SPMIP7: variants seen among roughly 807,000 people sequenced by gnomAD.
The protein encoded by SPMIP7 is sperm microtubule inner protein 7.
chr7:50,108,943 T>A, the SPMIP7 span, among the ~76,000 whole-genome samples: 1 of 152,190 alleles, frequency 6.6e-6, no homozygotes, highest in African/African-American at 2.4e-5. Context: ...TCTTAGCACC[T>A]TAGACAGGTC....
chr7:50,136,251 T>A, the SPMIP7 span: 1 of 996,772 alleles, frequency 1.0e-6, no homozygotes, highest in South Asian at 1.4e-5. Context: ...GCCCTTGGCT[T>A]AGAGGTGTGG....
At chr7:50,150,452 C>T in the SPMIP7 span, among the ~76,000 whole-genome samples, 4 of 152,298 alleles carry the variant, frequency 2.6e-5, no homozygotes, top group Middle Eastern at 6.8e-3. Flanking sequence ...GCACAGTAAG[C>T]TGAGGCCATG....
At chr7:50,132,010 A>C in the SPMIP7 span, among the ~76,000 whole-genome samples, 2 of 152,250 alleles carry the variant, frequency 1.3e-5, no homozygotes, top group African/African-American at 4.8e-5. Flanking sequence ...ATTCAAATTA[A>C]AAGTATACCC....
the SPMIP7 span, among the ~76,000 whole-genome samples, chr7:50,118,703 T>C: frequency 6.6e-6 from 1 of 152,188 alleles, no homozygotes; most frequent in African/African-American, 2.4e-5. Context: ...GGCATCACCA[T>C]TGTCCCTATT....
chr7:50,145,189 G>T, the SPMIP7 span, among the ~76,000 whole-genome samples: 1 of 151,836 alleles, frequency 6.6e-6, no homozygotes, highest in African/African-American at 2.4e-5. Flanking sequence ...CTTGAGCCTG[G>T]GAGGTGAAGG....
the SPMIP7 span, among the ~76,000 whole-genome samples, chr7:50,150,715 A>G: frequency 1.3e-5 from 2 of 152,108 alleles, no homozygotes; most frequent in Non-Finnish European, 2.9e-5. Flanking sequence ...CCTCTGAACT[A>G]CCTACTTAAG....
At chr7:50,110,616 T>G in the SPMIP7 span, among the ~76,000 whole-genome samples, 1 of 139,864 alleles carries the variant, frequency 7.1e-6, no homozygotes, top group Non-Finnish European at 1.5e-5. Context: ...AATATTTATG[T>G]ATAATATATA....
the SPMIP7 span, among the ~76,000 whole-genome samples, chr7:50,098,144 A>G: frequency 6.6e-6 from 1 of 152,010 alleles, no homozygotes; most frequent in Non-Finnish European, 1.5e-5. Context: ...AATTACATAC[A>G]CACTGGTATG....
At chr7:50,150,777 C>A in the SPMIP7 span, among the ~76,000 whole-genome samples, 1 of 152,318 alleles carries the variant, frequency 6.6e-6, no homozygotes, top group East Asian at 1.9e-4. Flanking sequence ...AGCTTTTATA[C>A]ACACTGAAGA....
At chr7:50,132,145 T>C in the SPMIP7 span, among the ~76,000 whole-genome samples, 505 of 152,250 alleles carry the variant, frequency 3.3e-3, 3 homozygotes, top group Middle Eastern at 0.014. Flanking sequence ...GAGGAAAAAG[T>C]CTTGTTCATC....
At chr7:50,116,656 G>A in the SPMIP7 span, among the ~76,000 whole-genome samples, 1 of 152,164 alleles carries the variant, frequency 6.6e-6, no homozygotes, top group Non-Finnish European at 1.5e-5. Context: ...TGTTTAAAAA[G>A]TTTAGAGCTT....
the SPMIP7 span, among the ~76,000 whole-genome samples, chr7:50,137,526 A>G: frequency 6.6e-6 from 1 of 152,108 alleles, no homozygotes; most frequent in Non-Finnish European, 1.5e-5. Context: ...TTATATACTC[A>G]TATTTATGTC....
chr7:50,109,235 A>C, the SPMIP7 span, among the ~76,000 whole-genome samples: 1 of 152,178 alleles, frequency 6.6e-6, no homozygotes, highest in African/African-American at 2.4e-5. Flanking sequence ...TTATGTTGAA[A>C]ATATTTATAT....
the SPMIP7 span, among the ~76,000 whole-genome samples, chr7:50,115,943 CTT>C: frequency 2.6e-5 from 4 of 152,248 alleles, no homozygotes; most frequent in East Asian, 1.9e-4. Context: ...TTCACGTTCT[CTT>C]TTCTCCTCCT....
the SPMIP7 span, chr7:50,141,737 T>TTTTTTTTTC: frequency 7.2e-6 from 1 of 139,108 alleles, no homozygotes; most frequent in Non-Finnish European, 1.5e-5. Flanking sequence ...CTTTTTTTTT[T>TTTTTTTTTC]TTTTTTTTTT....
the SPMIP7 span, among the ~76,000 whole-genome samples, chr7:50,145,598 G>A: frequency 1.3e-5 from 1 of 79,286 alleles, no homozygotes; most frequent in African/African-American, 4.4e-5. Flanking sequence ...GTGTGTGTGT[G>A]TGTGTGTGTA....
At chr7:50,133,373 A>C in the SPMIP7 span, among the ~76,000 whole-genome samples, 1 of 152,162 alleles carries the variant, frequency 6.6e-6, no homozygotes, top group Non-Finnish European at 1.5e-5. Flanking sequence ...TAGGAGGCAG[A>C]TTATTTTTGC....
the SPMIP7 span, chr7:50,159,170 A>G: frequency 1.3e-6 from 2 of 1,551,254 alleles, no homozygotes; most frequent in Non-Finnish European, 1.7e-6. Flanking sequence ...AGACTACTAG[A>G]GGAGGCGGCC....
the SPMIP7 span, among the ~76,000 whole-genome samples, chr7:50,131,132 A>G: frequency 6.6e-6 from 1 of 152,146 alleles, no homozygotes; most frequent in Admixed American, 6.6e-5. Flanking sequence ...TTAGGAGGTT[A>G]TTGTTGTCAT....
Sources: allele counts gnomAD v4.1 joint callset (sites outside exome capture counted in the v4.1 genomes callset), GRCh38; gene constraint gnomAD v4.1.1; transcripts MANE v1.5; gene names NCBI Gene and HGNC (gene_info 2026-07-23, HGNC 2026-07-21).